The following GPC5 variants were observed in gnomAD, a reference collection of about 807,000 sequenced individuals.
GPC5 encodes the protein glypican-5.
Under a neutral mutation model 53.9 loss-of-function variants are expected in GPC5, and 47 were observed. The observed-to-expected ratio is 0.87, with a 90% CI of 0.69 to 1.11. The LOEUF is 1.11. Among genes scored for constraint, GPC5 ranks in the 50% most tolerant of loss-of-function variants. The pLI, the probability that GPC5 is intolerant of heterozygous loss-of-function variation, is 0.00. For missense variants in GPC5, 748 were observed against 713.1 expected (o/e 1.05, Z -0.56); for synonymous variants, 286 against 263.3 (o/e 1.09, Z -0.84).
chr13:92,277,118 T>C (rs1275713442), intron 7 of GPC5, among the ~76,000 whole-genome samples: 1 of 152,160 alleles, frequency 6.6e-6, no homozygotes, highest in East Asian at 1.9e-4. Context: ...CCTTATTTCT[T>C]ACCATTATTA....
chr13:92,551,418 C>A (rs768311227), intron 7 of GPC5, among the ~76,000 whole-genome samples: 14 of 151,086 alleles, frequency 9.3e-5, no homozygotes, highest in Admixed American at 4.0e-4. Context: ...AAAAAAAAAT[C>A]TTGAATAACA....
At chr13:92,173,639 T>A (rs1322397986) in intron 7 of GPC5, among the ~76,000 whole-genome samples, 1 of 152,220 alleles carries the variant, frequency 6.6e-6, no homozygotes, top group African/African-American at 2.4e-5. Context: ...ATTTCTTTCA[T>A]TAAAATGCAA....
chr13:92,033,036 C>CGTGTGTGTGTGTGTGTGTGTGTGTGT (rs60958496), intron 6 of GPC5, among the ~76,000 whole-genome samples: 1 of 138,992 alleles, frequency 7.2e-6, no homozygotes, highest in African/African-American at 2.7e-5. Flanking sequence ...TAGTTATTGT[C>CGTGTGTGTGTGTGTGTGTGTGTGTGT]GTGTGTGTGT....
chr13:92,227,873 A>G (rs572035588), intron 7 of GPC5, among the ~76,000 whole-genome samples: 1 of 152,270 alleles, frequency 6.6e-6, no homozygotes, highest in South Asian at 2.1e-4. Context: ...GAACTTAACT[A>G]CTGATAGCCT....
chr13:91,622,543 C>T (rs1458998856), intron 2 of GPC5, among the ~76,000 whole-genome samples: 4 of 151,958 alleles, frequency 2.6e-5, no homozygotes, highest in African/African-American at 7.3e-5. Context: ...AAAAAGTTTA[C>T]ATATGAATTG....
intron 7 of GPC5, among the ~76,000 whole-genome samples, chr13:92,683,901 G>A (rs893601851): frequency 6.6e-6 from 1 of 152,302 alleles, no homozygotes; most frequent in East Asian, 1.9e-4. Context: ...ATGAGCCAAT[G>A]TTGATAAATC....
At chr13:92,366,279 C>G (rs1044400574) in intron 7 of GPC5, among the ~76,000 whole-genome samples, 54 of 151,882 alleles carry the variant, frequency 3.6e-4, no homozygotes, top group Non-Finnish European at 2.2e-4. Context: ...TTAAAAATAA[C>G]ATTTGTAGCA....
chr13:92,502,334 A>G, intron 7 of GPC5, among the ~76,000 whole-genome samples: 1 of 150,868 alleles, frequency 6.6e-6, no homozygotes, highest in South Asian at 2.1e-4. Context: ...GAATAATTGG[A>G]AAAAAAATAA....
At chr13:92,677,253 A>G (rs1178894093) in intron 7 of GPC5, among the ~76,000 whole-genome samples, 6 of 152,188 alleles carry the variant, frequency 3.9e-5, no homozygotes, top group Admixed American at 3.9e-4. Context: ...ATTTTTACAT[A>G]AATAGCACCA....
intron 7 of GPC5, chr13:92,446,483 A>C (rs1012015111): frequency 4.0e-5 from 6 of 150,976 alleles, no homozygotes; most frequent in Non-Finnish European, 8.8e-5. Flanking sequence ...ATGGCTAGAT[A>C]GTGCTCCATT....
intron 2 of GPC5, among the ~76,000 whole-genome samples, chr13:91,692,356 AT>A (rs2035774425): frequency 6.6e-6 from 1 of 152,206 alleles, no homozygotes; most frequent in South Asian, 2.1e-4. Flanking sequence ...TAGTTAGAAC[AT>A]GTGAGGAGGT....
At chr13:92,045,384 A>G (rs1390571250) in intron 6 of GPC5, among the ~76,000 whole-genome samples, 6 of 152,310 alleles carry the variant, frequency 3.9e-5, no homozygotes, top group African/African-American at 1.2e-4. Flanking sequence ...TTATATCACT[A>G]TCACATCACT....
chr13:91,899,038 G>A (rs1206275361), intron 5 of GPC5, among the ~76,000 whole-genome samples: 1 of 152,144 alleles, frequency 6.6e-6, no homozygotes, highest in African/African-American at 2.4e-5. Flanking sequence ...TTAGCATTAA[G>A]TGTGATTAAA....
At chr13:91,488,329 CA>C (rs575395281) in intron 2 of GPC5, among the ~76,000 whole-genome samples, 1 of 151,858 alleles carries the variant, frequency 6.6e-6, no homozygotes, top group East Asian at 1.9e-4. Context: ...TTTATAATTC[CA>C]AAAAAATGTC....
intron 2 of GPC5, among the ~76,000 whole-genome samples, chr13:91,596,575 G>A (rs2033002199): frequency 6.6e-6 from 1 of 152,028 alleles, no homozygotes; most frequent in African/African-American, 2.4e-5. Context: ...TTACCTTTTA[G>A]GGTGCTGGGT....
intron 6 of GPC5, among the ~76,000 whole-genome samples, chr13:92,007,040 T>C (rs1010900496): frequency 2.7e-5 from 4 of 150,492 alleles, no homozygotes; most frequent in Non-Finnish European, 3.0e-5. Context: ...TTGTGACCTT[T>C]AATATGATAA....
At chr13:91,551,828 G>T (rs564258457) in intron 2 of GPC5, among the ~76,000 whole-genome samples, 1 of 152,106 alleles carries the variant, frequency 6.6e-6, no homozygotes, top group African/African-American at 2.4e-5. Context: ...TGGTCAGGAT[G>T]TGGTGTTTCT....
intron 2 of GPC5, among the ~76,000 whole-genome samples, chr13:91,641,428 C>T (rs1245347663): frequency 6.6e-6 from 1 of 151,888 alleles, no homozygotes; most frequent in African/African-American, 2.4e-5. Context: ...CACATGGACA[C>T]GGAGGGGAAC....
At chr13:92,291,814 C>G (rs201942671) in intron 7 of GPC5, among the ~76,000 whole-genome samples, 1 of 152,072 alleles carries the variant, frequency 6.6e-6, no homozygotes, top group Non-Finnish European at 1.5e-5. Context: ...CCGGGAGGAA[C>G]GAACAACTCC....
Sources: allele counts gnomAD v4.1 joint callset (sites outside exome capture counted in the v4.1 genomes callset), GRCh38; gene constraint gnomAD v4.1.1; transcripts MANE v1.5; gene names NCBI Gene and HGNC (gene_info 2026-07-23, HGNC 2026-07-21).